Variants in CDH10 observed in about 807,000 individuals in gnomAD.
The protein encoded by CDH10 is cadherin-10.
A neutral mutation model predicts 73.1 loss-of-function variants in CDH10; 30 were observed. That is an observed-to-expected ratio of 0.41 (90% CI 0.31 to 0.56). The LOEUF is 0.56. Among genes scored for constraint, CDH10 ranks in the 20% least tolerant of loss-of-function variants. CDH10 has a pLI of 0.27. For missense variants in CDH10, 815 were observed against 973.7 expected (o/e 0.84, Z 2.17); for synonymous variants, 345 against 348.2 (o/e 0.99, Z 0.10).
chr5:24,492,854 A>C lies in CDH10; in HGVS notation c.1587T>G (p.Ala529=). 1.9e-6 allele frequency: 3 copies of C among 1,568,482 alleles called. No individual in the cohort carries two copies. The highest frequency in any genetic ancestry group is 2.6e-6 in the Non-Finnish European group (3 of 1,138,704). Residue 529 remains alanine (A), a synonymous_variant, in exon 10 of 12, where the codon GCT becomes GCG. Coordinates refer to ENST00000264463, the MANE Select transcript of CDH10 (RefSeq NM_006727.5). ...LGGQKFFFSL[A]AVNPNFTVQD... ...GTACTGTGAAGTTTGGATTGACAGC[A>C]GCTAAACTGAAAAAAAATTTCTGTC...
At chr5:24,643,259 T>C (rs757813321) in intron 1 of CDH10, among the ~76,000 whole-genome samples, 2 of 152,138 alleles carry the variant, frequency 1.3e-5, no homozygotes, top group Non-Finnish European at 2.9e-5. Context: ...TTCTTCTTCA[T>C]CACTTTTAAC....
intron 6 of CDH10, 22 bp from the exon 7 acceptor site, chr5:24,509,841 C>A: frequency 6.3e-7 from 1 of 1,576,430 alleles, no homozygotes; most frequent in South Asian, 1.2e-5. Flanking sequence ...AATAAATCAT[C>A]AAATTAGAGT....
At chr5:24,536,474 T>TA (rs541566094) in intron 3 of CDH10, among the ~76,000 whole-genome samples, 33 of 151,884 alleles carry the variant, frequency 2.2e-4, no homozygotes, top group African/African-American at 6.5e-4. Flanking sequence ...CTGTTACAAG[T>TA]AAAAAAAAGC....
chr5:24,570,668 A>G (rs768911878), intron 2 of CDH10, among the ~76,000 whole-genome samples: 3 of 152,074 alleles, frequency 2.0e-5, no homozygotes, highest in Non-Finnish European at 4.4e-5. Flanking sequence ...ATATGTGTAT[A>G]TATATATACT....
intron 1 of CDH10, among the ~76,000 whole-genome samples, chr5:24,626,507 C>G (rs1033434298): frequency 6.6e-6 from 1 of 152,090 alleles, no homozygotes; most frequent in South Asian, 2.1e-4. Flanking sequence ...TAAACACATT[C>G]ATAGTATCAC....
chr5:24,498,404 T>C lies in CDH10; in HGVS notation c.1509A>G (p.Pro503=). The change falls in exon 9 of 12, where the codon CCA becomes CCG. Residue 503 remains proline (P), a synonymous_variant. Coordinates refer to ENST00000264463, the MANE Select transcript of CDH10 (RefSeq NM_006727.5). ...TAATCCTGTAGGGGCTTACCTGCCC[T>C]GGTCTGGCATTTTCACATACAAAAG... ...YDTFVCENAR[P]GQLIQTISAV... 6.2e-7 allele frequency: 1 copy of C among 1,604,922 alleles called. No individual in the cohort carries two copies. The highest frequency in any genetic ancestry group is 8.5e-7 in the Non-Finnish European group (1 of 1,172,252).
chr5:24,594,122 A>G (rs1309839080), intron 1 of CDH10, among the ~76,000 whole-genome samples: 1 of 151,940 alleles, frequency 6.6e-6, no homozygotes, highest in African/African-American at 2.4e-5. Context: ...AAAACAAAAC[A>G]AAACAAATGA....
At chr5:24,513,373 A>G (rs752723940) in intron 5 of CDH10, among the ~76,000 whole-genome samples, 3 of 151,884 alleles carry the variant, frequency 2.0e-5, no homozygotes, top group African/African-American at 4.8e-5. Flanking sequence ...CCTTATCCTC[A>G]TGTTATCATA....
intron 8 of CDH10, among the ~76,000 whole-genome samples, chr5:24,502,396 A>G (rs1040728856): frequency 1.3e-5 from 2 of 152,168 alleles, no homozygotes; most frequent in African/African-American, 4.8e-5. Context: ...GGTAAGAAGT[A>G]CATTTGAACG....
intron 2 of CDH10, among the ~76,000 whole-genome samples, chr5:24,559,058 T>C (rs570507203): frequency 6.6e-6 from 1 of 152,012 alleles, no homozygotes; most frequent in African/African-American, 2.4e-5. Context: ...TGTTTTAACT[T>C]GTTTTTCTAG....
intron 8 of CDH10, among the ~76,000 whole-genome samples, chr5:24,501,902 T>C (rs1742510314): frequency 1.3e-5 from 2 of 152,104 alleles, no homozygotes; most frequent in Admixed American, 1.3e-4. Context: ...ACCTTAATTT[T>C]AGATGTTTTA....
At chr5:24,530,016 CTTTT>C (rs34282847) in intron 5 of CDH10, among the ~76,000 whole-genome samples, 2 of 121,846 alleles carry the variant, frequency 1.6e-5, no homozygotes, top group East Asian at 4.8e-4. Context: ...TCTATTTTTA[CTTTT>C]TTTTTTTTTT....
At chr5:24,618,962 G>A (rs1747214530) in intron 1 of CDH10, among the ~76,000 whole-genome samples, 1 of 152,100 alleles carries the variant, frequency 6.6e-6, no homozygotes, top group African/African-American at 2.4e-5. Flanking sequence ...GTTTTAATGT[G>A]TTCTATAGTA....
At chr5:24,495,856 C>CAA (rs59901498) in intron 9 of CDH10, among the ~76,000 whole-genome samples, 5,110 of 120,868 alleles carry the variant, frequency 0.042, 126 homozygotes, top group African/African-American at 0.077. Flanking sequence ...CTTCCTCAAA[C>CAA]AAAAAAAAAA....
chr5:24,563,363 GACA>G (rs1745030240), intron 2 of CDH10, among the ~76,000 whole-genome samples: 1 of 48,086 alleles, frequency 2.1e-5, no homozygotes, highest in East Asian at 4.2e-4. Flanking sequence ...CGCCTTTACA[GACA>G]GTGATATTCA....
intron 11 of CDH10, among the ~76,000 whole-genome samples, chr5:24,489,206 G>T (rs1389315390): frequency 2.6e-5 from 4 of 152,108 alleles, no homozygotes; most frequent in Non-Finnish European, 5.9e-5. Flanking sequence ...AGAACACACA[G>T]AACACACATT....
chr5:24,487,743 C>T lies in CDH10; in HGVS notation c.2287G>A (p.Asp763Asn), dbSNP rs1241397517. ...CGAGGGCCCCATTCTCGGAGGTAAT[C>T]GTAGTTTTGGTCTCCTTCAGTAGTA... ...SGTTEGDQNY[D>N]YLREWGPRFN... Residue 763 changes from aspartate (D) to asparagine (N), a missense_variant, in exon 12 of 12, where the codon GAT becomes AAT. Around this residue, in one of 3 missense-constraint regions of CDH10, gnomAD observed 241 missense variants for 240.3 expected, o/e 1.00. Coordinates refer to ENST00000264463, the MANE Select transcript of CDH10 (RefSeq NM_006727.5). The T allele has an allele frequency of 1.2e-6, 2 of 1,613,516 alleles. No individual in the cohort carries two copies. Among genetic ancestry groups the T allele is most frequent in the Admixed American group, 1.7e-5 (1 of 59,936 alleles).
intron 5 of CDH10, among the ~76,000 whole-genome samples, chr5:24,527,383 T>C (rs1743573434): frequency 2.7e-5 from 4 of 149,348 alleles, no homozygotes; most frequent in Admixed American, 6.8e-5. Context: ...AACATAAACA[T>C]GTACACACAT....
chr5:24,598,383 A>G (rs1005408216), intron 1 of CDH10, among the ~76,000 whole-genome samples: 1 of 152,008 alleles, frequency 6.6e-6, no homozygotes, highest in Admixed American at 6.6e-5. Context: ...ATTTCTATTT[A>G]GACTGTAAGT....
Sources: allele counts gnomAD v4.1 joint callset (sites outside exome capture counted in the v4.1 genomes callset), GRCh38; gene constraint gnomAD v4.1.1; regional missense constraint gnomAD v4.1.1; transcripts MANE v1.5; gene names NCBI Gene and HGNC (gene_info 2026-07-23, HGNC 2026-07-21).